KHDRBS2: variants seen among roughly 807,000 people sequenced by gnomAD.
KHDRBS2 encodes KH domain-containing, RNA-binding, signal transduction-associated protein 2.
Under a neutral mutation model 44.3 loss-of-function variants are expected in KHDRBS2, and 26 were observed. That is an observed-to-expected ratio of 0.59 (90% confidence interval 0.43 to 0.81). KHDRBS2 has a LOEUF of 0.81. Ranked by LOEUF, KHDRBS2 falls within the 40% of genes least tolerant of loss-of-function variation. The probability of loss-of-function intolerance (pLI) is 0.00; values close to 1 mark genes in which losing one functional copy is unlikely to be tolerated. For missense variants in KHDRBS2, 476 were observed against 433.1 expected, an observed-to-expected ratio of 1.10 and a Z score of -0.88; for synonymous variants, 194 against 151.1, an observed-to-expected ratio of 1.28 and a Z score of -2.08.
At chr6:61,916,965 A>T (rs373429667) in intron 4 of KHDRBS2, among the ~76,000 whole-genome samples, 33 of 90,624 alleles carry the variant, frequency 3.6e-4, no homozygotes, top group Admixed American at 1.9e-3. Context: ...GGAACTCTGT[A>T]TTTTTTTTTT....
chr6:61,598,845 T>C, the KHDRBS2 span, among the ~76,000 whole-genome samples: 4 of 148,412 alleles, frequency 2.7e-5, no homozygotes, highest in South Asian at 2.1e-4. Flanking sequence ...TTCTTTTTTT[T>C]TTTTTTTTTT....
intron 6 of KHDRBS2, among the ~76,000 whole-genome samples, chr6:61,785,365 T>C (rs1399698774): frequency 6.6e-6 from 1 of 152,146 alleles, no homozygotes; most frequent in Admixed American, 6.6e-5. Flanking sequence ...TCCTATTTTT[T>C]GTAAGAGTAT....
intron 4 of KHDRBS2, among the ~76,000 whole-genome samples, chr6:61,943,778 T>C (rs1432397126): frequency 6.6e-6 from 1 of 152,154 alleles, no homozygotes; most frequent in Admixed American, 6.5e-5. Context: ...ATCCAAACTA[T>C]GCAAGGAATG....
the KHDRBS2 span, among the ~76,000 whole-genome samples, chr6:61,633,045 C>CA: frequency 2.0e-5 from 3 of 152,006 alleles, no homozygotes; most frequent in Admixed American, 1.3e-4. Context: ...AACAGAACTC[C>CA]ACAAAGGCTT....
At chr6:62,080,104 ACT>A (rs1797108805) in intron 2 of KHDRBS2, among the ~76,000 whole-genome samples, 1 of 152,060 alleles carries the variant, frequency 6.6e-6, no homozygotes, top group South Asian at 2.1e-4. Context: ...GTGTTTTATG[ACT>A]CTATAAATAG....
At chr6:62,285,142 C>T (rs1328352763) in intron 1 of KHDRBS2, among the ~76,000 whole-genome samples, 1 of 151,908 alleles carries the variant, frequency 6.6e-6, no homozygotes, top group Non-Finnish European at 1.5e-5. Context: ...CCTTTCAAAG[C>T]AATGCAAAAA....
chr6:61,550,533 A>C, the KHDRBS2 span, among the ~76,000 whole-genome samples: 4 of 152,046 alleles, frequency 2.6e-5, no homozygotes, highest in African/African-American at 9.7e-5. Flanking sequence ...AGAATGATTT[A>C]TTTTGCTGAG....
At chr6:61,596,091 C>T in the KHDRBS2 span, among the ~76,000 whole-genome samples, 2 of 152,094 alleles carry the variant, frequency 1.3e-5, no homozygotes, top group Admixed American at 6.5e-5. Flanking sequence ...GACCCAGGTG[C>T]TGTAGACACA....
chr6:61,770,876 C>T (rs1028035728), intron 6 of KHDRBS2, among the ~76,000 whole-genome samples: 3 of 152,090 alleles, frequency 2.0e-5, no homozygotes, highest in South Asian at 2.1e-4. Context: ...CTCCAAGACA[C>T]ATAATTGTCA....
At chr6:61,771,527 A>G (rs4607817) in intron 6 of KHDRBS2, among the ~76,000 whole-genome samples, 28,241 of 152,042 alleles carry the variant, frequency 0.19, 2,748 homozygotes, top group African/African-American at 0.21. Flanking sequence ...AAAAGGCAGG[A>G]GTTGCAATCC....
At chr6:62,240,664 G>GTA (rs1834468908) in intron 1 of KHDRBS2, among the ~76,000 whole-genome samples, 1 of 65,208 alleles carries the variant, frequency 1.5e-5, no homozygotes, top group East Asian at 5.2e-4. Flanking sequence ...GTGTATGTAT[G>GTA]TGTGTGTGTA....
At chr6:62,174,638 G>T (rs1820729886) in intron 2 of KHDRBS2, among the ~76,000 whole-genome samples, 1 of 151,710 alleles carries the variant, frequency 6.6e-6, no homozygotes, top group African/African-American at 2.4e-5. Context: ...AAGTCATGTA[G>T]TAAAGTCTTG....
chr6:61,955,817 A>G (rs1767094142), intron 4 of KHDRBS2, among the ~76,000 whole-genome samples: 1 of 152,046 alleles, frequency 6.6e-6, no homozygotes, highest in Non-Finnish European at 1.5e-5. Context: ...ATGTATTTCA[A>G]TGCTCAGAAA....
At chr6:62,191,861 G>A (rs540189969) in intron 1 of KHDRBS2, among the ~76,000 whole-genome samples, 15 of 151,988 alleles carry the variant, frequency 9.9e-5, no homozygotes, top group South Asian at 8.3e-4. Flanking sequence ...TATCATGTAC[G>A]CATCTTGGAA....
chr6:62,055,020 G>T (rs1304046011), intron 2 of KHDRBS2, among the ~76,000 whole-genome samples: 5 of 151,956 alleles, frequency 3.3e-5, no homozygotes, highest in Non-Finnish European at 7.4e-5. Context: ...TATAGACTTA[G>T]ATGTGAAATA....
At chr6:61,872,067 A>T (rs1798741196) in intron 6 of KHDRBS2, among the ~76,000 whole-genome samples, 1 of 152,212 alleles carries the variant, frequency 6.6e-6, no homozygotes, top group African/African-American at 2.4e-5. Context: ...TGTTCTGTAC[A>T]TATACCCCAG....
At position 61,970,297 on chromosome 6, in the gene KHDRBS2, C is replaced by A. The variant is rs114456977; in HGVS notation, c.483+7769G>T. ...TTGTTTGCATGAATAAAGTAAAGAG[C>A]TGATTAGTTAAAAAAAAACTGCATA... On this transcript the variant is annotated intron_variant, in intron 4 of 8. Transcript: ENST00000281156. Among the ~76,000 whole-genome samples the A allele has an allele frequency of 9.7e-3, 1,464 of 151,550 alleles. 14 individuals are homozygous for A. The highest frequency in any genetic ancestry group is 0.015 in the Non-Finnish European group (1,021 of 67,858).
chr6:62,260,591 AT>A (rs555583142), intron 1 of KHDRBS2, among the ~76,000 whole-genome samples: 85 of 152,016 alleles, frequency 5.6e-4, no homozygotes, highest in Middle Eastern at 6.8e-3. Context: ...GGTATTCAGA[AT>A]TTTTTTTAAA....
chr6:61,931,900 GACA>G lies in KHDRBS2; in HGVS notation c.484-30532_484-30530del, dbSNP rs537022050. On this transcript the variant is annotated intron_variant, in intron 4 of 8. Transcript: ENST00000281156. ...TCCTCCTCAGCTTACTCAACATGAA[GACA>G]ACAAGGATGAAGATTTTTATAATGA... Among the ~76,000 whole-genome samples the G allele has an allele frequency of 3.1e-3, 476 of 152,014 alleles. 3 individuals carry two copies. The highest frequency in any genetic ancestry group is 0.011 in the African/African-American group (442 of 41,454).
Sources: gnomAD v4.1 joint callset for allele counts (sites outside exome capture counted in the v4.1 genomes callset) on GRCh38, gnomAD v4.1.1 for gene constraint, MANE v1.5 for transcripts, NCBI Gene and HGNC (gene_info 2026-07-23, HGNC 2026-07-21) for gene names.